CHST8: variants seen among roughly 807,000 people sequenced by gnomAD.
The protein encoded by CHST8 is GALNAC-4-ST1.
In CHST8, 10 loss-of-function variants were observed where a neutral mutation model predicts 15.0. The ratio of observed to expected loss-of-function variants is 0.67; its 90% CI spans 0.41 to 1.13. CHST8 has a LOEUF of 1.13. CHST8 is among the 50% of genes most tolerant of loss of function. The probability of loss-of-function intolerance (pLI) is 0.00; values close to 1 mark genes in which losing one functional copy is unlikely to be tolerated. For missense variants in CHST8, 634 were observed against 608.2 expected, an observed-to-expected ratio of 1.04 and a Z score of -0.45; for synonymous variants, 259 against 256.6, an observed-to-expected ratio of 1.01 and a Z score of -0.09.
intron 3 of CHST8, among the ~76,000 whole-genome samples, chr19:33,713,947 C>T (rs1973609143): frequency 6.6e-6 from 1 of 152,136 alleles, no homozygotes; most frequent in Non-Finnish European, 1.5e-5. Flanking sequence ...GCAAGAACAG[C>T]CAGAACACTG....
At chr19:33,765,070 A>ATATATATATATATATATATATATATG (rs71181381) in intron 3 of CHST8, among the ~76,000 whole-genome samples, 1,231 of 112,774 alleles carry the variant, frequency 0.011, 60 homozygotes, top group Non-Finnish European at 0.015. Flanking sequence ...ATATATATAT[A>ATATATATATATATATATATATATATG]TATCAGAGTT....
At chr19:33,638,680 AG>A (rs913518544) in intron 1 of CHST8, among the ~76,000 whole-genome samples, 15 of 152,192 alleles carry the variant, frequency 9.9e-5, no homozygotes, top group African/African-American at 3.6e-4. Context: ...AAGGGAGTTA[AG>A]GCTTCATCCT....
intron 3 of CHST8, among the ~76,000 whole-genome samples, chr19:33,704,592 TG>T (rs2145283881): frequency 6.6e-6 from 1 of 152,328 alleles, no homozygotes; most frequent in Admixed American, 6.5e-5. Context: ...TCATCCTTTT[TG>T]TTTTTGTTTT....
intron 3 of CHST8, among the ~76,000 whole-genome samples, chr19:33,708,587 G>C (rs770317699): frequency 3.3e-5 from 5 of 152,186 alleles, no homozygotes; most frequent in Non-Finnish European, 7.3e-5. Context: ...TGATCTGTAT[G>C]TCTATTCTTT....
chr19:33,675,400 C>T (rs1225904385), intron 2 of CHST8, among the ~76,000 whole-genome samples: 2 of 152,222 alleles, frequency 1.3e-5, no homozygotes, highest in Non-Finnish European at 2.9e-5. Flanking sequence ...CAGGATAAAA[C>T]CTGCCCCAAG....
intron 3 of CHST8, among the ~76,000 whole-genome samples, chr19:33,757,387 G>GA (rs745445464): frequency 1.7e-4 from 9 of 51,610 alleles, no homozygotes; most frequent in South Asian, 6.1e-4. Context: ...CTCAAAAAAA[G>GA]AAGAAAGAAA....
At chr19:33,755,800 A>G (rs1017716344) in intron 3 of CHST8, among the ~76,000 whole-genome samples, 1 of 152,194 alleles carries the variant, frequency 6.6e-6, no homozygotes, top group Non-Finnish European at 1.5e-5. Flanking sequence ...CAGCTCAGAT[A>G]TCTTCTTTAG....
chr19:33,700,639 T>G (rs1316902218), intron 3 of CHST8, among the ~76,000 whole-genome samples: 1 of 152,218 alleles, frequency 6.6e-6, no homozygotes, highest in Non-Finnish European at 1.5e-5. Flanking sequence ...CTGGAAGTCC[T>G]GCCCTCCTTT....
At chr19:33,694,682 C>T (rs998837674) in intron 3 of CHST8, among the ~76,000 whole-genome samples, 8 of 152,082 alleles carry the variant, frequency 5.3e-5, no homozygotes, top group African/African-American at 1.4e-4. Flanking sequence ...CAGGTTCAAG[C>T]GATTCTCATG....
chr19:33,751,254 G>C (rs1974415503), intron 3 of CHST8, among the ~76,000 whole-genome samples: 1 of 152,172 alleles, frequency 6.6e-6, no homozygotes. Flanking sequence ...AGGATTCACG[G>C]CTTGGCTCGG....
chr19:33,648,128 G>A (rs1371710299), intron 1 of CHST8, among the ~76,000 whole-genome samples: 1 of 151,922 alleles, frequency 6.6e-6, no homozygotes, highest in Non-Finnish European at 1.5e-5. Flanking sequence ...ATTCTCCTAG[G>A]GTCAAAGCCG....
chr19:33,722,883 G>A (rs1973825968), intron 3 of CHST8, among the ~76,000 whole-genome samples: 1 of 152,228 alleles, frequency 6.6e-6, no homozygotes, highest in Non-Finnish European at 1.5e-5. Context: ...TCAATAACAT[G>A]TCAGTCCTTT....
intron 3 of CHST8, among the ~76,000 whole-genome samples, chr19:33,752,506 C>T (rs531594856): frequency 2.6e-5 from 4 of 152,286 alleles, no homozygotes; most frequent in African/African-American, 9.6e-5. Context: ...TGAACCGATT[C>T]GTATTTCACA....
At chr19:33,669,159 G>A (rs1450999642) in intron 2 of CHST8, among the ~76,000 whole-genome samples, 2 of 152,260 alleles carry the variant, frequency 1.3e-5, no homozygotes, top group South Asian at 2.1e-4. Context: ...ACACACATAC[G>A]CATTCCTGCT....
chr19:33,673,663 C>T (rs1343093596), intron 2 of CHST8, among the ~76,000 whole-genome samples: 2 of 152,190 alleles, frequency 1.3e-5, no homozygotes, highest in African/African-American at 4.8e-5. Context: ...TCTGCTGAAC[C>T]TGCCTTCCTC....
chr19:33,709,695 C>T (rs1973513244), intron 3 of CHST8, among the ~76,000 whole-genome samples: 1 of 151,840 alleles, frequency 6.6e-6, no homozygotes, highest in African/African-American at 2.4e-5. Context: ...CAGATTAATA[C>T]AGGATTTAAA....
intron 3 of CHST8, among the ~76,000 whole-genome samples, chr19:33,757,888 G>A (rs1974635313): frequency 6.6e-6 from 1 of 152,160 alleles, no homozygotes; most frequent in Admixed American, 6.5e-5. Context: ...AAAGAAGCTG[G>A]TGTAATCCTC....
intron 1 of CHST8, among the ~76,000 whole-genome samples, chr19:33,631,131 A>C (rs1242213203): frequency 6.6e-6 from 1 of 152,226 alleles, no homozygotes; most frequent in Non-Finnish European, 1.5e-5. Flanking sequence ...GGTTGGGCTC[A>C]GCATGTGATT....
At chr19:33,668,542 C>T (rs1382853699) in intron 2 of CHST8, among the ~76,000 whole-genome samples, 1 of 152,142 alleles carries the variant, frequency 6.6e-6, no homozygotes, top group Non-Finnish European at 1.5e-5. Context: ...AGAGCAGCAG[C>T]TCTCCAGGGA....
Sources: allele counts gnomAD v4.1 joint callset (sites outside exome capture counted in the v4.1 genomes callset), GRCh38; gene constraint gnomAD v4.1.1; transcripts MANE v1.5; gene names NCBI Gene and HGNC (gene_info 2026-07-23, HGNC 2026-07-21).